TRHDE: variants seen among roughly 807,000 people sequenced by gnomAD.
TRHDE encodes the protein thyrotropin releasing hormone degrading enzyme.
A neutral mutation model predicts 125.7 loss-of-function variants in TRHDE; 72 were observed. The observed-to-expected ratio is 0.57, with a 90% confidence interval of 0.47 to 0.70. The LOEUF (loss-of-function observed/expected upper bound fraction) is 0.70, where lower values mean the gene tolerates loss of function less well. TRHDE is among the 30% of genes least tolerant of loss of function. The probability of loss-of-function intolerance (pLI) is 0.00; values close to 1 mark genes in which losing one functional copy is unlikely to be tolerated. For synonymous variants in TRHDE, 509 were observed against 509.1 expected (o/e 1.00, Z 0.00); for missense variants, 1,110 against 1,327.1 (o/e 0.84, Z 2.54).
chr12:72,656,984 T>C lies in TRHDE; in HGVS notation c.3042T>C (p.Leu1014=), dbSNP rs1874732320. ...SKLISGVTEF[L]NTEGELKELK... The stretch of plus-strand genomic sequence containing the variant: ...TCATCAGTGGTGTCACAGAATTTCT[T>C]AATACTGAAGGTGAACTCAAAGAGG... Residue 1014 remains leucine (L), a synonymous_variant, in exon 18 of 19, where the codon CTT becomes CTC. Transcript: ENST00000261180. The C allele has an allele frequency of 6.2e-7, 1 of 1,607,578 alleles. No homozygotes were observed. The highest frequency in any genetic ancestry group is 2.2e-5 in the East Asian group (1 of 44,786).
intron 2 of TRHDE, among the ~76,000 whole-genome samples, chr12:72,297,444 A>G (rs1880343104): frequency 6.6e-6 from 1 of 152,150 alleles, no homozygotes; most frequent in South Asian, 2.1e-4. Context: ...GGAACTGAGG[A>G]TAGAATCATG....
chr12:72,252,025 T>A (rs1031615395), intron 2 of TRHDE, among the ~76,000 whole-genome samples: 1 of 152,132 alleles, frequency 6.6e-6, no homozygotes, highest in African/African-American at 2.4e-5. Flanking sequence ...AAATTCTTTA[T>A]ATATTCTAGA....
chr12:72,420,404 G>A (rs1256713144), intron 3 of TRHDE, among the ~76,000 whole-genome samples: 3 of 152,160 alleles, frequency 2.0e-5, no homozygotes, highest in African/African-American at 7.2e-5. Context: ...CTCATGTCTG[G>A]AAGGTGCAAA....
At chr12:72,214,080 A>G (rs900744210) in intron 2 of TRHDE, among the ~76,000 whole-genome samples, 2 of 152,176 alleles carry the variant, frequency 1.3e-5, no homozygotes, top group Non-Finnish European at 2.9e-5. Context: ...AAGAATAAAT[A>G]GCTTGATAAT....
chr12:72,285,767 C>T (rs1879862511), intron 1 of TRHDE, among the ~76,000 whole-genome samples: 1 of 152,110 alleles, frequency 6.6e-6, no homozygotes, highest in African/African-American at 2.4e-5. Context: ...AATCCGCCTA[C>T]CTTGGCCTCT....
chr12:72,163,744 A>T (rs1297006162), intron 2 of TRHDE, among the ~76,000 whole-genome samples: 1 of 152,246 alleles, frequency 6.6e-6, no homozygotes, highest in Non-Finnish European at 1.5e-5. Context: ...ATATCTTAAA[A>T]AAGAAGAAAT....
At chr12:72,112,583 A>G (rs1010267839) in intron 2 of TRHDE, among the ~76,000 whole-genome samples, 3 of 152,196 alleles carry the variant, frequency 2.0e-5, no homozygotes, top group African/African-American at 7.2e-5. Flanking sequence ...CCTCATATTT[A>G]TATGATGGTA....
chr12:72,566,819 TG>T (rs1422196582), intron 9 of TRHDE, among the ~76,000 whole-genome samples: 2 of 152,030 alleles, frequency 1.3e-5, no homozygotes, highest in Non-Finnish European at 2.9e-5. Context: ...GAAGTTAATC[TG>T]TCTTACCTAT....
intron 3 of TRHDE, among the ~76,000 whole-genome samples, chr12:72,446,874 T>G (rs573367046): frequency 2.0e-5 from 3 of 152,028 alleles, no homozygotes; most frequent in Non-Finnish European, 4.4e-5. Context: ...AGCAAGTCCT[T>G]AGAGACCTAC....
chr12:72,644,754 T>G (rs1283419508), intron 15 of TRHDE, among the ~76,000 whole-genome samples: 18 of 152,248 alleles, frequency 1.2e-4, no homozygotes, highest in Non-Finnish European at 1.8e-4. Flanking sequence ...AGAGTTGAAC[T>G]GTGCATCTAC....
chr12:72,382,161 T>G (rs1172537840), intron 3 of TRHDE, among the ~76,000 whole-genome samples: 4 of 152,092 alleles, frequency 2.6e-5, no homozygotes, highest in African/African-American at 7.2e-5. Flanking sequence ...AGACATCAAG[T>G]GGGGAAAGCA....
At chr12:72,572,046 C>T (rs368562007) in intron 10 of TRHDE, among the ~76,000 whole-genome samples, 3 of 142,144 alleles carry the variant, frequency 2.1e-5, no homozygotes, top group African/African-American at 7.9e-5. Flanking sequence ...GATTGCTTTA[C>T]GGATCTGTCA....
intron 3 of TRHDE, among the ~76,000 whole-genome samples, chr12:72,403,266 A>G (rs1201499980): frequency 6.6e-6 from 1 of 152,216 alleles, no homozygotes; most frequent in Non-Finnish European, 1.5e-5. Context: ...TGAATAAATC[A>G]TTGAGCTGAG....
In TRHDE at chr12:72,272,741, A is replaced by AGGG. The variant is rs772009015; in HGVS notation, c.101_103dup (p.Gly34dup). 1.2e-5 allele frequency: 18 copies of AGGG among 1,491,492 alleles called. No homozygotes were observed. The highest frequency in any genetic ancestry group is 4.2e-5 in the African/African-American group (3 of 70,706). 92.4% of individuals were successfully genotyped at this position (1,491,492 alleles called of 1,614,324 possible). A position where few individuals can be genotyped will look rare whatever the true frequency, so the allele number is the denominator to read the frequency against. ...AAGAAGGAGGAGGAGGAGGAGGAGG[A>AGGG]GGGGGCCGAGAAGAGCAGCTCACCC... On this transcript the variant is annotated inframe_insertion, in exon 1 of 19. Coordinates refer to ENST00000261180, the MANE Select transcript of TRHDE (RefSeq NM_013381.3). The surrounding 1 kb of genome is among the most constrained non-coding windows in gnomAD (Gnocchi z 6.7).
At chr12:72,491,827 T>C (rs1451433492) in intron 5 of TRHDE, among the ~76,000 whole-genome samples, 2 of 152,008 alleles carry the variant, frequency 1.3e-5, no homozygotes, top group Non-Finnish European at 2.9e-5. Context: ...GAAATGTAGT[T>C]GATGGCTGAA....
At chr12:72,137,330 T>C (rs1013777652) in intron 2 of TRHDE, 1 of 152,224 alleles carries the variant, frequency 6.6e-6, no homozygotes, top group South Asian at 2.1e-4. Context: ...TTTGAAACCT[T>C]GAGGTTCTCA....
exon 1 of TRHDE, chr12:72,087,406 T>C (rs1874694420): frequency 6.6e-6 from 1 of 152,210 alleles, no homozygotes; most frequent in Non-Finnish European, 1.5e-5. Context: ...AGAAGAAAGA[T>C]GGGATCAATA....
At chr12:72,397,763 T>C (rs963888804) in intron 3 of TRHDE, among the ~76,000 whole-genome samples, 5 of 152,154 alleles carry the variant, frequency 3.3e-5, no homozygotes, top group Admixed American at 6.6e-5. Context: ...AAACATCCCC[T>C]GATGACATTA....
chr12:72,520,234 C>T (rs1240369196), intron 6 of TRHDE, among the ~76,000 whole-genome samples: 1 of 152,234 alleles, frequency 6.6e-6, no homozygotes. Flanking sequence ...GCGCCCCTCC[C>T]CCAGTCTCGC....
Sources: allele counts gnomAD v4.1 joint callset (sites outside exome capture counted in the v4.1 genomes callset), GRCh38; gene constraint gnomAD v4.1.1; non-coding constraint Gnocchi (gnomAD v3.1); transcripts MANE v1.5; gene names NCBI Gene and HGNC (gene_info 2026-07-23, HGNC 2026-07-21).